Variants in ACAP2 observed in about 807,000 individuals in gnomAD.
ACAP2 encodes arf-GAP with coiled-coil, ANK repeat and PH domain-containing protein 2.
ACAP2 carries 39 observed loss-of-function variants against 115.8 expected under a neutral mutation model. That is an observed-to-expected ratio of 0.34 (90% CI 0.26 to 0.44). The LOEUF (loss-of-function observed/expected upper bound fraction) is 0.44, where lower values mean the gene tolerates loss of function less well. Among genes scored for constraint, ACAP2 ranks in the 20% least tolerant of loss-of-function variants. The probability of loss-of-function intolerance (pLI) is 1.00; values close to 1 mark genes in which losing one functional copy is unlikely to be tolerated. For missense variants in ACAP2, 662 were observed against 927.6 expected (o/e 0.71, Z 3.72); for synonymous variants, 289 against 315.8 (o/e 0.92, Z 0.90).
rs1227997856 is a variant in ACAP2, at chr3:195,278,596, T to G, written c.*732A>C. 2 of 150,914 alleles carry G rather than the reference T, an allele frequency of 1.3e-5. No homozygotes were observed. Among genetic ancestry groups the G allele is most frequent in the East Asian group, 4.0e-4 (2 of 4,966 alleles). The allele number at this position is 150,914 out of a possible 1,614,324, so 9.3% of individuals were successfully genotyped here. ...AACCCAACAATGAAGAACTACACAT[T>G]TTGAACTGGGGTTTTTTTTTGTGAT... On this transcript the variant is annotated 3_prime_UTR_variant, in exon 23 of 23. Coordinates refer to ENST00000326793, the MANE Select transcript of ACAP2 (RefSeq NM_012287.6).
At chr3:195,295,636 T>C (rs1727594323) in intron 17 of ACAP2, 72 bp downstream of exon 17, 2 of 1,512,036 alleles carry the variant, frequency 1.3e-6, no homozygotes, top group Non-Finnish European at 1.8e-6. Flanking sequence ...CAATGGCTAT[T>C]AGTTCAGGGA....
chr3:195,278,877 A>AAG lies in ACAP2; in HGVS notation c.*450_*451insCT, dbSNP rs1726302615. The AAG allele has an allele frequency of 6.5e-6, 1 of 153,316 alleles. No homozygotes were observed. 9.5% of individuals were successfully genotyped at this position (153,316 alleles called of 1,614,324 possible). ...CACACACCTATTTCTGAACCACCAA[A>AAG]AAGCCTCAGGGAAGCTAAAGAAAAC... On this transcript the variant is annotated 3_prime_UTR_variant, in exon 23 of 23. Transcript: ENST00000326793.
chr3:195,358,855 T>A (rs181371985), intron 4 of ACAP2, among the ~76,000 whole-genome samples: 100 of 152,178 alleles, frequency 6.6e-4, no homozygotes, highest in African/African-American at 2.3e-3. Flanking sequence ...GGTTATAGAA[T>A]ACCAAGTAGA....
intron 2 of ACAP2, among the ~76,000 whole-genome samples, chr3:195,382,434 C>CTTCTCTTTCTTTCATCT (rs1734010645): frequency 1.3e-5 from 2 of 152,044 alleles, no homozygotes; most frequent in African/African-American, 4.8e-5. Flanking sequence ...GTACCGGGCT[C>CTTCTCTTTCTTTCATCT]TTCTCTTTCT....
intron 1 of ACAP2, among the ~76,000 whole-genome samples, chr3:195,415,637 AAG>A (rs1284739579): frequency 1.3e-5 from 2 of 152,208 alleles, no homozygotes; most frequent in African/African-American, 4.8e-5. Flanking sequence ...CTTTTTATTA[AAG>A]AGATACCAGA....
intron 1 of ACAP2, among the ~76,000 whole-genome samples, chr3:195,414,894 T>G (rs181439012): frequency 6.6e-6 from 1 of 152,254 alleles, no homozygotes; most frequent in Admixed American, 6.5e-5. Flanking sequence ...AGCTATACAC[T>G]GTATTTCAAC....
At chr3:195,437,018 TAAAC>T (rs1260854228) in intron 1 of ACAP2, among the ~76,000 whole-genome samples, 3 of 152,164 alleles carry the variant, frequency 2.0e-5, no homozygotes, top group African/African-American at 7.2e-5. Context: ...AAAGACACCA[TAAAC>T]AACGCAAATT....
intron 1 of ACAP2, among the ~76,000 whole-genome samples, chr3:195,418,921 C>T (rs1255508058): frequency 6.6e-6 from 1 of 152,146 alleles, no homozygotes; most frequent in East Asian, 1.9e-4. Flanking sequence ...ATATATGGGG[C>T]TATTCAAAAA....
rs1210655070 is a variant in ACAP2 at position 195,337,030 on chromosome 3, A to G, written c.529-54T>C. Reference sequence around the variant, plus strand: ...CCATGCATTATTTTAAAGCTAATCCATAATGCAATATTGTAAAGCTTATTT... The same window carrying G: ...CCATGCATTATTTTAAAGCTAATCCGTAATGCAATATTGTAAAGCTTATTT... On this transcript the variant is annotated intron_variant, in intron 6 of 22. Coordinates refer to ENST00000326793, the MANE Select transcript of ACAP2 (RefSeq NM_012287.6). 5 of 1,445,346 alleles carry G rather than the reference A, an allele frequency of 3.5e-6. No homozygotes were observed. In the East Asian group the frequency reaches 1.2e-4, roughly 34 times the overall value. 89.5% of individuals were successfully genotyped at this position (1,445,346 alleles called of 1,614,324 possible).
chr3:195,353,157 C>T (rs1361445191), intron 4 of ACAP2, among the ~76,000 whole-genome samples: 1 of 151,436 alleles, frequency 6.6e-6, no homozygotes, highest in African/African-American at 2.4e-5. Flanking sequence ...TAGCAGTAAC[C>T]AGATTTCATG....
intron 19 of ACAP2, 106 bp downstream of exon 19, chr3:195,292,159 A>C (rs934312998): frequency 1.0e-5 from 14 of 1,334,248 alleles, no homozygotes; most frequent in African/African-American, 1.5e-5. Flanking sequence ...TCTATTTTCT[A>C]ACCCATCTCT....
chr3:195,407,035 T>G (rs1712830680), intron 1 of ACAP2, among the ~76,000 whole-genome samples: 1 of 151,584 alleles, frequency 6.6e-6, no homozygotes, highest in East Asian at 1.9e-4. Context: ...AAGGATCCTA[T>G]GAGAGAGAGA....
chr3:195,403,612 T>C (rs1349268978), intron 1 of ACAP2, among the ~76,000 whole-genome samples: 1 of 152,244 alleles, frequency 6.6e-6, no homozygotes, highest in Non-Finnish European at 1.5e-5. Flanking sequence ...AGATGTGATA[T>C]GCAAGCATAT....
chr3:195,389,763 T>C (rs1219127242), intron 2 of ACAP2, among the ~76,000 whole-genome samples: 1 of 152,234 alleles, frequency 6.6e-6, no homozygotes, highest in African/African-American at 2.4e-5. Flanking sequence ...AATCTCCTTA[T>C]CCAAAATTAA....
At chr3:195,348,400 T>C (rs1731322519) in intron 4 of ACAP2, among the ~76,000 whole-genome samples, 2 of 152,046 alleles carry the variant, frequency 1.3e-5, no homozygotes, top group Admixed American at 1.3e-4. Context: ...CACATCTTCA[T>C]TGCTGAATTC....
At chr3:195,366,128 A>T (rs1732705301) in intron 4 of ACAP2, among the ~76,000 whole-genome samples, 1 of 152,302 alleles carries the variant, frequency 6.6e-6, no homozygotes, top group African/African-American at 2.4e-5. Context: ...TACAGGCGTG[A>T]GCTACCATGT....
At chr3:195,368,078 A>G (rs1732854048) in intron 4 of ACAP2, among the ~76,000 whole-genome samples, 1 of 152,234 alleles carries the variant, frequency 6.6e-6, no homozygotes, top group South Asian at 2.1e-4. Flanking sequence ...ACTTGGTATA[A>G]TTCAGAATCT....
chr3:195,406,142 G>A (rs1712751531), intron 1 of ACAP2, among the ~76,000 whole-genome samples: 1 of 152,054 alleles, frequency 6.6e-6, no homozygotes, highest in Non-Finnish European at 1.5e-5. Context: ...TGGAAAACTG[G>A]GTTACCTCTG....
At chr3:195,335,498 A>G (rs1730441931) in intron 7 of ACAP2, among the ~76,000 whole-genome samples, 2 of 152,198 alleles carry the variant, frequency 1.3e-5, no homozygotes. Context: ...ACACACACAG[A>G]AAGAGAGAAA....
Sources: allele counts gnomAD v4.1 joint callset (sites outside exome capture counted in the v4.1 genomes callset), GRCh38; gene constraint gnomAD v4.1.1; transcripts MANE v1.5; gene names NCBI Gene and HGNC (gene_info 2026-07-23, HGNC 2026-07-21).